Variants in UBE2U observed in about 807,000 individuals in gnomAD.
UBE2U encodes ubiquitin conjugating enzyme E2 U, also known as ubiquitin-conjugating enzyme E2 U.
UBE2U carries 39 observed loss-of-function variants against 41.2 expected under a neutral mutation model. The observed-to-expected ratio is 0.95, with a 90% CI of 0.73 to 1.24. The LOEUF is 1.24. Ranked by LOEUF, UBE2U falls within the 50% of genes most tolerant of loss-of-function variation. The probability of loss-of-function intolerance (pLI) is 0.00; values close to 1 mark genes in which losing one functional copy is unlikely to be tolerated. For missense variants in UBE2U, 336 were observed against 363.1 expected, an observed-to-expected ratio of 0.93 and a Z score of 0.61; for synonymous variants, 107 against 117.8, an observed-to-expected ratio of 0.91 and a Z score of 0.60.
In UBE2U at chr1:64,241,753, T is replaced by C. The variant is rs200708793; in HGVS notation, c.677+20T>C. On this transcript the variant is annotated intron_variant, in intron 8 of 9. Transcript: ENST00000371077. ...TTTAAAGTAAGAAATATGAAGTGCCTTGAATGTGTACATTAACTTGAATTG... is the reference window on the plus strand; with the variant it reads ...TTTAAAGTAAGAAATATGAAGTGCCCTGAATGTGTACATTAACTTGAATTG... 83 of 1,566,122 alleles carry C rather than the reference T, an allele frequency of 5.3e-5. No homozygotes were observed. In the East Asian group the frequency reaches 1.7e-3, roughly 32 times the overall value.
intron 1 of UBE2U, among the ~76,000 whole-genome samples, chr1:64,205,313 T>C (rs1464575179): frequency 2.0e-5 from 3 of 152,232 alleles, no homozygotes; most frequent in African/African-American, 7.2e-5. Flanking sequence ...ACTATTTCTT[T>C]CTTTTAAAAT....
chr1:64,260,681 C>G lies in UBE2U; in HGVS notation c.756C>G (p.Leu252=). ...EVTHSMEEIK[L]CPTLNEIFLE... ...CTCACTCAATGGAAGAAATTAAGCT[C>G]TGCCCAACTCTAAGTAAATCGATTC... Residue 252 remains leucine, a synonymous_variant, in exon 9 of 10, where the codon CTC becomes CTG. Transcript: ENST00000371077. The G allele has an allele frequency of 6.5e-7, 1 of 1,549,250 alleles. No homozygotes were observed. Among genetic ancestry groups the G allele is most frequent in the Non-Finnish European group, 8.7e-7 (1 of 1,146,370 alleles).
Position 64,228,672 on chromosome 1 carries a change from T to TTC in UBE2U, c.507-3875_507-3874dup, listed in dbSNP as rs1314729607. On this transcript the variant is annotated intron_variant, in intron 6 of 9. Transcript: ENST00000371077. The stretch of plus-strand genomic sequence containing the variant: ...AAATATGGTTTTCTTTTTCTTTTCT[T>TTC]TCTCTCTCTCTCTCTTTTTTTTTTT... Among the ~76,000 whole-genome samples the TTC allele has an allele frequency of 1.1e-4, 16 of 141,916 alleles. 1 individual carries two copies. Among genetic ancestry groups the TTC allele is most frequent in the South Asian group, 6.7e-4 (3 of 4,474 alleles). 93.1% of individuals were successfully genotyped at this position (141,916 alleles called of 152,430 possible).
intron 7 of UBE2U, among the ~76,000 whole-genome samples, chr1:64,234,811 T>C (rs1644636319): frequency 6.6e-6 from 1 of 152,200 alleles, no homozygotes; most frequent in Non-Finnish European, 1.5e-5. Context: ...ACATCTGCTG[T>C]GTGTACCTAC....
At chr1:64,230,393 C>T (rs971770616) in intron 6 of UBE2U, among the ~76,000 whole-genome samples, 1 of 152,138 alleles carries the variant, frequency 6.6e-6, no homozygotes, top group Non-Finnish European at 1.5e-5. Flanking sequence ...AACTTTAAAC[C>T]GTTCTCTGCC....
In UBE2U at chr1:64,247,460, G is replaced by A. The variant is rs115765842; in HGVS notation, c.677+5727G>A. Among the ~76,000 whole-genome samples the A allele has an allele frequency of 2.0e-3, 300 of 152,226 alleles. 1 individual carries two copies. The highest frequency in any genetic ancestry group is 2.9e-3 in the Non-Finnish European group (195 of 68,026). Reference sequence around the variant, plus strand: ...AAATAGGAGGTGTTTGGGTCATGGGGGCAGATCCCTTATGAAGAGACTAAT... The same window carrying A: ...AAATAGGAGGTGTTTGGGTCATGGGAGCAGATCCCTTATGAAGAGACTAAT... On this transcript the variant is annotated intron_variant, in intron 8 of 9. Coordinates refer to ENST00000371077, the MANE Select transcript of UBE2U (RefSeq NM_001366232.2).
chr1:64,242,273 C>G (rs1472815766), intron 8 of UBE2U, among the ~76,000 whole-genome samples: 1 of 152,080 alleles, frequency 6.6e-6, no homozygotes, highest in Admixed American at 6.6e-5. Flanking sequence ...GAACCTTAAT[C>G]TCATCTTTGG....
chr1:64,211,091 ATT>A (rs1419689434), intron 4 of UBE2U, among the ~76,000 whole-genome samples: 1 of 152,202 alleles, frequency 6.6e-6, no homozygotes, highest in African/African-American at 2.4e-5. Context: ...GAATAAAATA[ATT>A]ATTTAGATGG....
intron 6 of UBE2U, among the ~76,000 whole-genome samples, chr1:64,231,146 CAGAA>C (rs773293079): frequency 2.0e-5 from 3 of 148,716 alleles, no homozygotes; most frequent in African/African-American, 4.9e-5. Flanking sequence ...GAGGAAAAAA[CAGAA>C]AGCCCCTGAA....
At chr1:64,266,944 C>A in intron 9 of UBE2U, 80 bp from the exon 10 acceptor site, 1 of 1,325,578 alleles carries the variant, frequency 7.5e-7, no homozygotes, top group Non-Finnish European at 1.0e-6. Flanking sequence ...CATTATCCTA[C>A]AAATGCAGGA....
At chr1:64,205,421 A>T (rs1651233859) in intron 1 of UBE2U, among the ~76,000 whole-genome samples, 1 of 152,160 alleles carries the variant, frequency 6.6e-6, no homozygotes, top group African/African-American at 2.4e-5. Flanking sequence ...CACACTTATG[A>T]TTTATTTTTA....
intron 8 of UBE2U, among the ~76,000 whole-genome samples, chr1:64,251,679 C>T (rs1467833058): frequency 3.9e-5 from 6 of 152,164 alleles, no homozygotes; most frequent in Non-Finnish European, 7.3e-5. Flanking sequence ...CCCAGGAAAC[C>T]ATGCTTCTCC....
At chr1:64,222,592 G>A (rs534704326) in intron 6 of UBE2U, among the ~76,000 whole-genome samples, 5 of 152,290 alleles carry the variant, frequency 3.3e-5, no homozygotes, top group South Asian at 2.1e-4. Flanking sequence ...TCAATGATAC[G>A]CTAGACTCAT....
intron 4 of UBE2U, among the ~76,000 whole-genome samples, chr1:64,213,225 G>T (rs1399373908): frequency 6.6e-6 from 1 of 152,020 alleles, no homozygotes; most frequent in Non-Finnish European, 1.5e-5. Flanking sequence ...ATGCTTTTCT[G>T]CACTCACATT....
intron 6 of UBE2U, among the ~76,000 whole-genome samples, chr1:64,231,393 T>G (rs1489460900): frequency 6.6e-6 from 1 of 152,220 alleles, no homozygotes; most frequent in African/African-American, 2.4e-5. Flanking sequence ...CAGCCTTTCA[T>G]TTTGTTACCT....
Position 64,250,661 on chromosome 1 carries a change from G to C in UBE2U, c.677+8928G>C, listed in dbSNP as rs982588232. ...CACAATAGCCAAGACTTGGAACCAA[G>C]CCAAATGTCCAACAATGATAGACTG... On this transcript the variant is annotated intron_variant, in intron 8 of 9. Coordinates refer to ENST00000371077, the MANE Select transcript of UBE2U (RefSeq NM_001366232.2). 6.6e-5 allele frequency among the ~76,000 whole-genome samples: 10 copies of C among 152,006 alleles called. 1 individual carries two copies. Among genetic ancestry groups the C allele is most frequent in the South Asian group, 2.1e-4 (1 of 4,814 alleles).
Position 64,246,769 on chromosome 1 carries a change from T to C in UBE2U, c.677+5036T>C, listed in dbSNP as rs527481075. On this transcript the variant is annotated intron_variant, in intron 8 of 9. Transcript: ENST00000371077. ...TCTAACACCTTTTGATAGTCAACCA[T>C]TCCAGAAATGGGAAATTAGCTCCAT... Among the ~76,000 whole-genome samples, 22 of 152,282 alleles carry C rather than the reference T, an allele frequency of 1.4e-4. 1 individual carries two copies. The highest frequency in any genetic ancestry group is 5.3e-4 in the African/African-American group (22 of 41,558).
intron 7 of UBE2U, among the ~76,000 whole-genome samples, chr1:64,233,962 A>G (rs1644619249): frequency 6.6e-6 from 1 of 152,142 alleles, no homozygotes; most frequent in African/African-American, 2.4e-5. Context: ...CCATACATCC[A>G]TGGCTTTTCA....
intron 9 of UBE2U, 104 bp downstream of exon 9, chr1:64,260,798 G>A: frequency 1.2e-6 from 1 of 816,858 alleles, no homozygotes; most frequent in Non-Finnish European, 1.9e-6. Flanking sequence ...GAATATATGA[G>A]GGCTAATCCT....
Sources: gnomAD v4.1 joint callset for allele counts (sites outside exome capture counted in the v4.1 genomes callset) on GRCh38, gnomAD v4.1.1 for gene constraint, MANE v1.5 for transcripts, NCBI Gene and HGNC (gene_info 2026-07-23, HGNC 2026-07-21) for gene names.